Variants in MED24 observed in about 807,000 individuals in gnomAD.
MED24 encodes mediator of RNA polymerase II transcription subunit 24.
Under a neutral mutation model 118.8 loss-of-function variants are expected in MED24, and 74 were observed. That is an observed-to-expected ratio of 0.62 (90% CI 0.52 to 0.76). The LOEUF (loss-of-function observed/expected upper bound fraction) is 0.76, where lower values mean the gene tolerates loss of function less well. Ranked by LOEUF, MED24 falls within the 30% of genes least tolerant of loss-of-function variation. The probability of loss-of-function intolerance (pLI) is 0.00; values close to 1 mark genes in which losing one functional copy is unlikely to be tolerated. For missense variants in MED24, 1,041 were observed against 1,278.9 expected (o/e 0.81, Z 2.84); for synonymous variants, 521 against 523.9 (o/e 0.99, Z 0.08).
At chr17:40,031,039 C>T (rs560047383) in intron 12 of MED24, 120 bp downstream of exon 12, 20 of 916,162 alleles carry the variant, frequency 2.2e-5, no homozygotes, top group African/African-American at 6.6e-5. Flanking sequence ...CCCCCAGGCA[C>T]GGTCCCAGTC....
intron 9 of MED24, 86 bp from the exon 10 acceptor site, chr17:40,032,176 C>G: frequency 1.4e-6 from 2 of 1,461,996 alleles, no homozygotes; most frequent in South Asian, 2.3e-5. Context: ...CGAACCCCTG[C>G]TCCAGGAAGA....
At chr17:40,023,730 A>C in intron 19 of MED24, 1 of 256,786 alleles carries the variant, frequency 3.9e-6, no homozygotes, top group Non-Finnish European at 7.4e-6. Flanking sequence ...CCTGCCACAT[A>C]AATAAACACA....
intron 23 of MED24, among the ~76,000 whole-genome samples, chr17:40,021,704 C>T (rs1982033101): frequency 6.6e-6 from 1 of 152,082 alleles, no homozygotes; most frequent in African/African-American, 2.4e-5. Context: ...GGCAGGAGGG[C>T]TGTGGGGGAA....
intron 10 of MED24, 55 bp downstream of exon 10, chr17:40,031,988 C>T (rs1354432038): frequency 6.4e-7 from 1 of 1,574,206 alleles, no homozygotes; most frequent in Non-Finnish European, 8.7e-7. Flanking sequence ...CCTGAAGGAC[C>T]CTCCCCTTTG....
intron 14 of MED24, 40 bp downstream of exon 14, chr17:40,028,786 T>C: frequency 6.2e-7 from 1 of 1,610,150 alleles, no homozygotes; most frequent in Non-Finnish European, 8.5e-7. Context: ...ACGCGCAGCC[T>C]CCCTGCACGC....
Position 40,033,065 on chromosome 17 carries a change from C to A in MED24, c.813G>T (p.Lys271Asn), listed in dbSNP as rs1169414874. The A allele has an allele frequency of 3.7e-6, 6 of 1,613,992 alleles. No individual in the cohort carries two copies. The highest frequency in any genetic ancestry group is 5.1e-6 in the Non-Finnish European group (6 of 1,180,034). Residue 271 changes from lysine to asparagine, a missense_variant, in exon 8 of 26, where the codon AAG (lysine) becomes AAT (asparagine). By Grantham distance (94) the Lys-to-Asn change is moderately conservative. This residue lies in a region of MED24 where 434 missense variants were observed against 514.9 expected (regional missense o/e 0.84). Transcript: ENST00000394128. The surrounding 1 kb of genome is among the most constrained non-coding windows in gnomAD (Gnocchi z 5.2). ...QSLVEQLTMVKRMQHIPTPLF... is the reference protein window; with the variant it reads ...QSLVEQLTMVNRMQHIPTPLF... ...ACTCGGCCCCTCCCACCTGCATGCG[C>A]TTCACCATCGTCAGCTGCTCCACCA...
chr17:40,021,871 GC>G, intron 23 of MED24, 83 bp downstream of exon 23: 3 of 1,028,696 alleles, frequency 2.9e-6, no homozygotes, highest in Non-Finnish European at 4.3e-6. Context: ...AAAGATGCCT[GC>G]AGCTGGGGCA....
rs1428639202 is a variant in MED24, at chr17:40,035,717, C to T, written c.326+5G>A. ...TATTGTGAGCCCCCTTACCCCTGCC[C>T]TTACCTCAGACGGTCACAAAACATG... On this transcript the variant is annotated splice_donor_5th_base_variant and intron_variant, in intron 5 of 25. Transcript: ENST00000394128. 1 of 1,613,498 alleles carries T rather than the reference C, an allele frequency of 6.2e-7. No individual in the cohort carries two copies. Among genetic ancestry groups the T allele is most frequent in the African/African-American group, 1.3e-5 (1 of 74,878 alleles).
At chr17:40,020,069 GA>G (rs1981770305) in intron 24 of MED24, 136 bp from the exon 25 acceptor site, 4 of 1,203,168 alleles carry the variant, frequency 3.3e-6, no homozygotes, top group Non-Finnish European at 4.7e-6. Context: ...GTCAGAGAGA[GA>G]AAATATAAAA....
chr17:40,031,991 C>G (rs1169144065), intron 10 of MED24, 52 bp downstream of exon 10: 7 of 1,579,782 alleles, frequency 4.4e-6, no homozygotes, highest in African/African-American at 1.4e-5. Context: ...GAAGGACCCT[C>G]CCCTTTGCCC....
intron 22 of MED24, 60 bp from the exon 23 acceptor site, chr17:40,022,114 G>A: frequency 1.5e-6 from 2 of 1,343,128 alleles, no homozygotes; most frequent in East Asian, 2.3e-5. Flanking sequence ...CAGCTGTCAG[G>A]GAAAAGAGCT....
chr17:40,035,599 G>T, intron 5 of MED24, 123 bp downstream of exon 5: 2 of 1,028,354 alleles, frequency 1.9e-6, no homozygotes, highest in South Asian at 3.3e-5. Context: ...GTGTAGATGG[G>T]CAGGTGGGGA....
intron 6 of MED24, among the ~76,000 whole-genome samples, chr17:40,034,576 T>G (rs1171717763): frequency 6.6e-6 from 1 of 152,200 alleles, no homozygotes; most frequent in South Asian, 2.1e-4. Flanking sequence ...CTCTGGAAAG[T>G]ACCCAAACTT....
At chr17:40,026,451 C>A (rs771403651) in intron 18 of MED24, 120 bp from the exon 19 acceptor site, 2 of 1,298,074 alleles carry the variant, frequency 1.5e-6, no homozygotes, top group Admixed American at 2.0e-5. Flanking sequence ...ACATTCCACA[C>A]CTCTCTCCAC....
In MED24 at chr17:40,022,072, C is replaced by A; in HGVS notation, c.2524-18G>T. 1.3e-6 allele frequency: 2 copies of A among 1,537,414 alleles called. No homozygotes were observed. Among genetic ancestry groups the A allele is most frequent in the South Asian group, 1.2e-5 (1 of 84,526 alleles). ...ATATAATCCTAGAGGGAGTGAAAGT[C>A]ACTGTTATACACCCCTAAACCCCCC... On this transcript the variant is annotated intron_variant, in intron 22 of 25. Coordinates refer to ENST00000394128, the MANE Select transcript of MED24 (RefSeq NM_014815.4).
At chr17:40,025,923 T>C (rs750821335) in intron 19 of MED24, among the ~76,000 whole-genome samples, 14 of 151,756 alleles carry the variant, frequency 9.2e-5, no homozygotes, top group Non-Finnish European at 1.5e-4. Context: ...GCAGACCCTG[T>C]TTAGGGTCTG....
chr17:40,048,310 A>G (rs553063195), intron 3 of MED24, among the ~76,000 whole-genome samples: 1 of 152,238 alleles, frequency 6.6e-6, no homozygotes, highest in East Asian at 1.9e-4. Flanking sequence ...AGTCAAAATT[A>G]TTTTTAAAAT....
chr17:40,047,317 C>T (rs930833609), intron 3 of MED24, among the ~76,000 whole-genome samples: 1 of 152,060 alleles, frequency 6.6e-6, no homozygotes. Context: ...AACAGAAATG[C>T]TCTGTATCTT....
chr17:40,034,881 A>G, intron 6 of MED24: 1 of 405,832 alleles, frequency 2.5e-6, no homozygotes. Context: ...AGCACCTAGC[A>G]CAGTGCTGGG....
Sources: allele counts gnomAD v4.1 joint callset (sites outside exome capture counted in the v4.1 genomes callset), GRCh38; gene constraint gnomAD v4.1.1; regional missense constraint gnomAD v4.1.1; non-coding constraint Gnocchi (gnomAD v3.1); transcripts MANE v1.5; gene names NCBI Gene and HGNC (gene_info 2026-07-23, HGNC 2026-07-21).